The following CAPS2 variants were observed in gnomAD, a reference collection of about 807,000 sequenced individuals.
CAPS2 encodes the protein calcyphosine 2, also known as calcyphosin-2.
CAPS2 carries 98 observed loss-of-function variants against 86.5 expected under a neutral mutation model. The ratio of observed to expected loss-of-function variants is 1.13; its 90% CI spans 0.96 to 1.34. The LOEUF is 1.34. Among genes scored for constraint, CAPS2 ranks in the 40% most tolerant of loss-of-function variants. The probability of loss-of-function intolerance (pLI) is 0.00; values close to 1 mark genes in which losing one functional copy is unlikely to be tolerated. For synonymous variants in CAPS2, 210 were observed against 225.1 expected (o/e 0.93, Z 0.60); for missense variants, 729 against 686.8 (o/e 1.06, Z -0.69).
chr12:75,348,515 A>G (rs1470658276), intron 1 of CAPS2, among the ~76,000 whole-genome samples: 1 of 152,218 alleles, frequency 6.6e-6, no homozygotes, highest in African/African-American at 2.4e-5. Flanking sequence ...GAGAAATTAT[A>G]AAACTACTGA....
chr12:75,321,458 T>C (rs1276380168), exon 5 of CAPS2: 2 of 1,547,072 alleles, frequency 1.3e-6, no homozygotes, highest in Non-Finnish European at 8.7e-7. Context: ...TTTTGTATTT[T>C]CTGCATTTCT....
At chr12:75,336,724 A>G (rs894165083) in intron 1 of CAPS2, among the ~76,000 whole-genome samples, 2 of 151,844 alleles carry the variant, frequency 1.3e-5, no homozygotes, top group African/African-American at 4.8e-5. Context: ...GAGTAAGAGA[A>G]CAAGTAGGTA....
rs151262489 is a variant in CAPS2 at position 75,317,794 on chromosome 12, CAT to C, written c.469-1362_469-1361del. Among the ~76,000 whole-genome samples, 842 of 152,200 alleles carry C rather than the reference CAT, an allele frequency of 5.5e-3. 19 individuals carry two copies. The highest frequency in any genetic ancestry group is 0.054 in the East Asian group (281 of 5,182). ...ATTAATTAATACATCCATCACCACA[CAT>C]AGTTACCATTTGTATTTGTCTGCGT... On this transcript the variant is annotated intron_variant, in intron 5 of 16. Coordinates refer to ENST00000393284, the Ensembl canonical transcript of CAPS2.
downstream of CAPS2, chr12:75,276,848 A>G: frequency 1.0e-6 from 1 of 952,878 alleles, no homozygotes; most frequent in Non-Finnish European, 1.2e-6. Context: ...ATATAATTTA[A>G]TATTTTAACA....
intron 1 of CAPS2, chr12:75,365,212 T>C (rs2043884772): frequency 6.6e-6 from 1 of 152,160 alleles, no homozygotes; most frequent in Non-Finnish European, 1.5e-5. Flanking sequence ...GGAACATCTG[T>C]AGGTTTTGTC....
intron 9 of CAPS2, among the ~76,000 whole-genome samples, chr12:75,299,556 G>A (rs1262628109): frequency 1.3e-5 from 2 of 151,968 alleles, no homozygotes; most frequent in Non-Finnish European, 2.9e-5. Context: ...CAAAACTCTA[G>A]TAGTAATATA....
chr12:75,278,767 C>T (rs2033339437), exon 17 of CAPS2: 1 of 1,327,080 alleles, frequency 7.5e-7, no homozygotes, highest in African/African-American at 1.5e-5. Context: ...ACAAAACAAA[C>T]AAACAAGAAA....
chr12:75,320,789 A>G (rs1054561640), intron 5 of CAPS2, among the ~76,000 whole-genome samples: 3 of 151,976 alleles, frequency 2.0e-5, no homozygotes, highest in Non-Finnish European at 2.9e-5. Flanking sequence ...TGTTTTTCAA[A>G]TTATTCCTTC....
chr12:75,276,491 G>A (rs946436054), downstream of CAPS2: 4 of 973,906 alleles, frequency 4.1e-6, no homozygotes, highest in South Asian at 4.7e-5. Flanking sequence ...ATGCAGAGTC[G>A]CTGGTTCATT....
intron 1 of CAPS2, among the ~76,000 whole-genome samples, chr12:75,358,894 A>G (rs2043350620): frequency 7.0e-6 from 1 of 143,874 alleles, no homozygotes. Context: ...TATATATTAC[A>G]TATAATTATA....
chr12:75,390,518 G>T (rs1366153764), intron 1 of CAPS2: 4 of 390,764 alleles, frequency 1.0e-5, no homozygotes, highest in Admixed American at 9.8e-5. Flanking sequence ...AATTAAGTTG[G>T]CCTTAAGAAC....
chr12:75,383,705 A>G (rs2045127376), intron 1 of CAPS2, among the ~76,000 whole-genome samples: 1 of 152,200 alleles, frequency 6.6e-6, no homozygotes, highest in Admixed American at 6.5e-5. Flanking sequence ...ACGTCTATAC[A>G]TTATTCGACA....
intron 5 of CAPS2, among the ~76,000 whole-genome samples, chr12:75,320,317 T>C (rs1240923464): frequency 1.3e-5 from 2 of 152,146 alleles, no homozygotes; most frequent in African/African-American, 2.4e-5. Context: ...CAGTAAGGCA[T>C]GTGCTTACAG....
chr12:75,346,086 T>C (rs2042426721), intron 1 of CAPS2, among the ~76,000 whole-genome samples: 2 of 152,198 alleles, frequency 1.3e-5, no homozygotes, highest in Admixed American at 1.3e-4. Flanking sequence ...TCTAGTTTCT[T>C]TAATGAAAGC....
At chr12:75,339,252 A>T (rs184436162) in intron 1 of CAPS2, among the ~76,000 whole-genome samples, 51 of 152,208 alleles carry the variant, frequency 3.4e-4, no homozygotes, top group African/African-American at 1.1e-3. Context: ...TTCCCGCAAC[A>T]CTGCCAGCAC....
intron 16 of CAPS2, among the ~76,000 whole-genome samples, chr12:75,279,383 A>T (rs1463007142): frequency 6.6e-6 from 1 of 152,026 alleles, no homozygotes; most frequent in Admixed American, 6.6e-5. Flanking sequence ...CTGGTCAGAT[A>T]ACACTGAAAA....
At chr12:75,276,590 T>G, downstream of CAPS2, 1 of 968,428 alleles carries the variant, frequency 1.0e-6, no homozygotes, top group Non-Finnish European at 1.2e-6. Flanking sequence ...AATATGTATG[T>G]CCTTTCCATT....
chr12:75,336,766 TCAAA>T (rs1435436482), intron 1 of CAPS2, among the ~76,000 whole-genome samples: 2 of 151,796 alleles, frequency 1.3e-5, no homozygotes, highest in Non-Finnish European at 3.0e-5. Flanking sequence ...GATTTGAACA[TCAAA>T]CAATTTTACC....
At chr12:75,390,350 G>C (rs1454016045) in intron 1 of CAPS2, 2 of 456,300 alleles carry the variant, frequency 4.4e-6, no homozygotes, top group South Asian at 3.1e-5. Context: ...TGAAAAAGAT[G>C]AATCTTGATA....
Sources: gnomAD v4.1 joint callset for allele counts (sites outside exome capture counted in the v4.1 genomes callset) on GRCh38, gnomAD v4.1.1 for gene constraint, MANE v1.5 for transcripts, NCBI Gene and HGNC (gene_info 2026-07-23, HGNC 2026-07-21) for gene names.